Variants in MAGI2 observed in about 807,000 individuals in gnomAD.
The protein encoded by MAGI2 is membrane-associated guanylate kinase, WW and PDZ domain-containing protein 2.
A neutral mutation model predicts 133.3 loss-of-function variants in MAGI2; 35 were observed. That is an observed-to-expected ratio of 0.26 (90% CI 0.20 to 0.35). The LOEUF (loss-of-function observed/expected upper bound fraction) is 0.35. Ranked by LOEUF, MAGI2 falls within the 10% of genes least tolerant of loss-of-function variation. The pLI is 1.00. For missense variants in MAGI2, 1,636 were observed against 1,863.4 expected (o/e 0.88, Z 2.25); for synonymous variants, 729 against 710.6 (o/e 1.03, Z -0.41).
intron 10 of MAGI2, among the ~76,000 whole-genome samples, chr7:78,212,502 C>T (rs1787867575): frequency 6.6e-6 from 1 of 152,148 alleles, no homozygotes; most frequent in South Asian, 2.1e-4. Flanking sequence ...TGCTGGAGGC[C>T]TCTGGAAGTG....
intron 6 of MAGI2, among the ~76,000 whole-genome samples, chr7:78,447,374 T>C (rs1788253576): frequency 6.7e-6 from 1 of 149,630 alleles, no homozygotes; most frequent in South Asian, 2.1e-4. Context: ...TGTTTCCAGA[T>C]GGCTAAAAAA....
intron 1 of MAGI2, among the ~76,000 whole-genome samples, chr7:79,241,891 C>T (rs1832444763): frequency 6.6e-6 from 1 of 152,166 alleles, no homozygotes; most frequent in South Asian, 2.1e-4. Flanking sequence ...CATCTAGAGG[C>T]AGACTCAGCT....
Position 78,955,963 on chromosome 7 carries a change from T to C in MAGI2, c.418+51127A>G, listed in dbSNP as rs149838199. On this transcript the variant is annotated intron_variant, in intron 2 of 21. Coordinates refer to ENST00000354212, the MANE Select transcript of MAGI2 (RefSeq NM_012301.4). ...TGCCTTTTTTTTTGTTTTCAGTAAT[T>C]ATAAACTCCTTGCTGTTTGTGGTAC... Among the ~76,000 whole-genome samples the C allele has an allele frequency of 2.2e-3, 336 of 152,076 alleles. 2 individuals carry two copies. The highest frequency in any genetic ancestry group is 0.014 in the Middle Eastern group (4 of 294).
chr7:78,575,567 G>A (rs1473406910), intron 3 of MAGI2, among the ~76,000 whole-genome samples: 1 of 152,144 alleles, frequency 6.6e-6, no homozygotes, highest in African/African-American at 2.4e-5. Context: ...AACCCCACAA[G>A]CATCACTCAG....
intron 2 of MAGI2, among the ~76,000 whole-genome samples, chr7:78,737,109 G>C (rs1325261953): frequency 1.3e-5 from 2 of 152,134 alleles, no homozygotes; most frequent in Non-Finnish European, 2.9e-5. Flanking sequence ...GAAAACAATT[G>C]ACAGTGATTG....
chr7:79,032,113 T>C lies in MAGI2; in HGVS notation c.302-24907A>G, dbSNP rs565469512. Among the ~76,000 whole-genome samples, 35 of 152,296 alleles carry C rather than the reference T, an allele frequency of 2.3e-4. 1 individual carries two copies. In the South Asian group the frequency reaches 7.2e-3, roughly 32 times the overall value. On this transcript the variant is annotated intron_variant, in intron 1 of 21. Coordinates refer to ENST00000354212, the MANE Select transcript of MAGI2 (RefSeq NM_012301.4). ...AAGTTTTTGACCTAGTGAATCATCA[T>C]GAGGAAAAATGGATGGCAAATGCAA...
intron 3 of MAGI2, among the ~76,000 whole-genome samples, chr7:78,558,298 A>G (rs1348538952): frequency 2.6e-5 from 4 of 152,198 alleles, no homozygotes; most frequent in African/African-American, 9.6e-5. Context: ...AAGTGTGCTA[A>G]ATCAGTGTGT....
At chr7:78,321,518 A>G (rs1788001425) in intron 9 of MAGI2, among the ~76,000 whole-genome samples, 1 of 152,120 alleles carries the variant, frequency 6.6e-6, no homozygotes, top group Admixed American at 6.6e-5. Context: ...AAGCAATAGG[A>G]AAAGGAATCC....
chr7:79,375,649 C>T (rs1843332328), intron 1 of MAGI2, among the ~76,000 whole-genome samples: 1 of 151,764 alleles, frequency 6.6e-6, no homozygotes, highest in South Asian at 2.1e-4. Flanking sequence ...TGTCCTAGTG[C>T]CTGGCTTGAT....
chr7:79,441,607 T>C (rs1848501129), intron 1 of MAGI2, among the ~76,000 whole-genome samples: 1 of 152,152 alleles, frequency 6.6e-6, no homozygotes, highest in Admixed American at 6.5e-5. Context: ...CATTCATATA[T>C]AGTATGTACT....
chr7:78,770,517 TA>T, intron 2 of MAGI2, among the ~76,000 whole-genome samples: 1 of 152,236 alleles, frequency 6.6e-6, no homozygotes, highest in African/African-American at 2.4e-5. Context: ...CACAATAACC[TA>T]ATCATGCATT....
At chr7:79,171,770 A>ATTT (rs144599296) in intron 1 of MAGI2, among the ~76,000 whole-genome samples, 16 of 31,218 alleles carry the variant, frequency 5.1e-4, no homozygotes, top group Non-Finnish European at 7.8e-4. Context: ...ATATATATAT[A>ATTT]TTTTTTTTTT....
At chr7:78,719,176 T>C (rs1328103351) in intron 2 of MAGI2, among the ~76,000 whole-genome samples, 1 of 152,138 alleles carries the variant, frequency 6.6e-6, no homozygotes, top group Non-Finnish European at 1.5e-5. Context: ...ATTAATAGGA[T>C]GTTAAAGAAA....
At chr7:79,375,225 T>C (rs1230729940) in intron 1 of MAGI2, among the ~76,000 whole-genome samples, 1 of 151,966 alleles carries the variant, frequency 6.6e-6, no homozygotes, top group Non-Finnish European at 1.5e-5. Flanking sequence ...TTTCATTCTG[T>C]ATGAAAAAAG....
At chr7:78,991,908 C>T (rs1805823485) in intron 2 of MAGI2, among the ~76,000 whole-genome samples, 1 of 152,114 alleles carries the variant, frequency 6.6e-6, no homozygotes, top group African/African-American at 2.4e-5. Flanking sequence ...CAGGGATTGC[C>T]ACAATATTTT....
intron 1 of MAGI2, among the ~76,000 whole-genome samples, chr7:79,166,860 G>C (rs1824971760): frequency 6.6e-6 from 1 of 151,980 alleles, no homozygotes; most frequent in Non-Finnish European, 1.5e-5. Flanking sequence ...AGCATGCACG[G>C]TACAGAAAAG....
intron 3 of MAGI2, among the ~76,000 whole-genome samples, chr7:78,569,490 T>C (rs1346599312): frequency 1.3e-5 from 2 of 152,206 alleles, no homozygotes; most frequent in African/African-American, 4.8e-5. Flanking sequence ...TCTAGGCATA[T>C]GGAAACTCAG....
intron 2 of MAGI2, among the ~76,000 whole-genome samples, chr7:78,877,764 A>G (rs1164532081): frequency 6.6e-6 from 1 of 152,186 alleles, no homozygotes; most frequent in African/African-American, 2.4e-5. Context: ...AATATGACCC[A>G]TCTCTCCCCT....
chr7:78,534,234 G>T (rs1797699105), intron 3 of MAGI2, among the ~76,000 whole-genome samples: 1 of 152,194 alleles, frequency 6.6e-6, no homozygotes, highest in Admixed American at 6.5e-5. Context: ...AGAACTCCAA[G>T]AAGAGTTCAA....
Sources: gnomAD v4.1 joint callset for allele counts (sites outside exome capture counted in the v4.1 genomes callset) on GRCh38, gnomAD v4.1.1 for gene constraint, MANE v1.5 for transcripts, NCBI Gene and HGNC (gene_info 2026-07-23, HGNC 2026-07-21) for gene names.